GPR141: variants seen among roughly 807,000 people sequenced by gnomAD.
The protein encoded by GPR141 is probable G protein-coupled receptor 141.
In GPR141, 6 loss-of-function variants were observed where a neutral mutation model predicts 6.8. That is an observed-to-expected ratio of 0.88 (90% CI 0.48 to 1.74). GPR141 has a LOEUF of 1.74. Among genes scored for constraint, GPR141 ranks in the 40% most tolerant of loss-of-function variants. The probability of loss-of-function intolerance (pLI) is 0.01; values close to 1 mark genes in which losing one functional copy is unlikely to be tolerated. For synonymous variants in GPR141, 140 were observed against 142.3 expected (o/e 0.98, Z 0.11); for missense variants, 372 against 372.9 (o/e 1.00, Z 0.02).
At chr7:37,731,569 G>A (rs1191736964) in intron 2 of GPR141, among the ~76,000 whole-genome samples, 1 of 151,712 alleles carries the variant, frequency 6.6e-6, no homozygotes, top group Admixed American at 6.6e-5. Context: ...TCAGCCTCCC[G>A]AGTAGCTGGG....
intron 2 of GPR141, among the ~76,000 whole-genome samples, chr7:37,735,320 C>T (rs1393587807): frequency 1.3e-5 from 2 of 152,174 alleles, no homozygotes; most frequent in African/African-American, 4.8e-5. Flanking sequence ...TTCACCAATG[C>T]ATGAAGACAT....
intron 2 of GPR141, among the ~76,000 whole-genome samples, chr7:37,720,165 C>T (rs920734316): frequency 6.6e-6 from 1 of 152,078 alleles, no homozygotes; most frequent in Non-Finnish European, 1.5e-5. Flanking sequence ...GGAGGTGAAC[C>T]AGGAGTTGGG....
chr7:37,739,928 C>T (rs1812442394), intron 2 of GPR141, among the ~76,000 whole-genome samples: 2 of 152,008 alleles, frequency 1.3e-5, no homozygotes, highest in Non-Finnish European at 2.9e-5. Flanking sequence ...ATTCTTGGGT[C>T]ATTTGCTAAT....
At position 37,743,173 on chromosome 7, in the gene GPR141, C is replaced by CT. The variant is rs200285405; in HGVS notation, c.*1871dup. Among the ~76,000 whole-genome samples, 4,128 of 151,282 alleles carry CT rather than the reference C, an allele frequency of 0.027. 82 individuals are homozygous for CT. Among genetic ancestry groups the CT allele is most frequent in the Middle Eastern group, 0.058 (17 of 292 alleles). ...AGAATAACAGAATGAATTAAGGGAA[C>CT]TTTTTTTTTCATCAAGGTATATCTT... On this transcript the variant is annotated 3_prime_UTR_variant, in exon 3 of 3. Coordinates refer to ENST00000334425, the MANE Select transcript of GPR141 (RefSeq NM_001381946.1).
intron 2 of GPR141, among the ~76,000 whole-genome samples, chr7:37,730,594 A>T (rs985761607): frequency 5.9e-5 from 9 of 152,232 alleles, no homozygotes; most frequent in African/African-American, 2.2e-4. Flanking sequence ...CGTCAAAGCC[A>T]TCAGTTGCAC....
At chr7:37,714,893 C>G (rs1288738496) in intron 2 of GPR141, among the ~76,000 whole-genome samples, 1 of 152,124 alleles carries the variant, frequency 6.6e-6, no homozygotes, top group Non-Finnish European at 1.5e-5. Flanking sequence ...TCAAAAAACC[C>G]TATGAGTCCT....
intron 2 of GPR141, among the ~76,000 whole-genome samples, chr7:37,734,121 C>T (rs1812120125): frequency 6.6e-6 from 1 of 152,056 alleles, no homozygotes; most frequent in Non-Finnish European, 1.5e-5. Flanking sequence ...TGCAGTGAAC[C>T]ATGATGATGC....
chr7:37,732,127 C>T (rs180967530), intron 2 of GPR141, among the ~76,000 whole-genome samples: 3 of 143,648 alleles, frequency 2.1e-5, no homozygotes, highest in African/African-American at 7.7e-5. Context: ...CTAACTTCTC[C>T]TTTTCTTTCT....
chr7:37,720,080 G>A (rs1191016839), intron 2 of GPR141, among the ~76,000 whole-genome samples: 1 of 152,214 alleles, frequency 6.6e-6, no homozygotes, highest in East Asian at 1.9e-4. Context: ...CCAGGGCAAC[G>A]ACATGAAAGA....
At chr7:37,712,235 A>G (rs977628142) in intron 2 of GPR141, among the ~76,000 whole-genome samples, 1 of 152,186 alleles carries the variant, frequency 6.6e-6, no homozygotes, top group Non-Finnish European at 1.5e-5. Context: ...TTTGGTACAC[A>G]GCAAGAGAGA....
chr7:37,691,443 G>A (rs2131731604), intron 2 of GPR141, among the ~76,000 whole-genome samples: 2 of 151,604 alleles, frequency 1.3e-5, no homozygotes, highest in Middle Eastern at 6.8e-3. Context: ...TTACATTCAA[G>A]GTTATTATTT....
Position 37,741,380 on chromosome 7 carries a change from A to T in GPR141, c.*69A>T. ...TAAAAATGGGTATAGGGGAGGTAAG[A>T]ATGGTATTTCATTACTTGATCAAAA... On this transcript the variant is annotated 3_prime_UTR_variant, in exon 3 of 3. Transcript: ENST00000334425. 2 of 1,166,970 alleles carry T rather than the reference A, an allele frequency of 1.7e-6. No homozygotes were observed. The highest frequency in any genetic ancestry group is 2.4e-6 in the Non-Finnish European group (2 of 822,008). The allele number at this position is 1,166,970 out of a possible 1,614,324, so 72.3% of individuals were successfully genotyped here. A position where few individuals can be genotyped will look rare whatever the true frequency, so the allele number is the denominator to read the frequency against.
chr7:37,709,228 A>C (rs1032675135), intron 2 of GPR141, among the ~76,000 whole-genome samples: 4 of 152,238 alleles, frequency 2.6e-5, no homozygotes, highest in Non-Finnish European at 5.9e-5. Context: ...CAATGCTTAA[A>C]TATTTGGTAC....
At chr7:37,722,166 C>T (rs545634223) in intron 2 of GPR141, among the ~76,000 whole-genome samples, 5 of 152,092 alleles carry the variant, frequency 3.3e-5, no homozygotes, top group African/African-American at 4.8e-5. Flanking sequence ...ATATGTAAAA[C>T]ACTAAATTCA....
At chr7:37,734,033 C>T (rs1325988577) in intron 2 of GPR141, among the ~76,000 whole-genome samples, 4 of 151,756 alleles carry the variant, frequency 2.6e-5, no homozygotes, top group East Asian at 1.9e-4. Context: ...TTAGGCCAGG[C>T]GTGGTGGTGC....
At chr7:37,710,335 T>A (rs1033341706) in intron 2 of GPR141, among the ~76,000 whole-genome samples, 1 of 152,132 alleles carries the variant, frequency 6.6e-6, no homozygotes, top group Non-Finnish European at 1.5e-5. Flanking sequence ...TGCAACTACA[T>A]AGACTCCATG....
rs767448189 is a variant in GPR141, at chr7:37,740,447, C to T, written c.54C>T (p.Pro18=). 1 of 1,613,632 alleles carries T rather than the reference C, an allele frequency of 6.2e-7. No homozygotes were observed. Among genetic ancestry groups the T allele is most frequent in the Non-Finnish European group, 8.5e-7 (1 of 1,179,684 alleles). The part of the protein sequence containing the change: ...RNSSCDPIVT[P]HLISLYFIVL... ...CCTCTTGCGATCCTATAGTGACACC[C>T]CACTTAATCAGCCTCTACTTCATAG... is the stretch of plus-strand genomic sequence containing the variant. Residue 18 remains proline, a synonymous_variant, in exon 3 of 3, where the codon CCC becomes CCT. Coordinates refer to ENST00000334425, the MANE Select transcript of GPR141 (RefSeq NM_001381946.1).
chr7:37,699,007 G>A (rs1810152787), intron 2 of GPR141, among the ~76,000 whole-genome samples: 1 of 152,200 alleles, frequency 6.6e-6, no homozygotes, highest in Non-Finnish European at 1.5e-5. Context: ...GAAACTCCCA[G>A]TCTGGTGTGC....
chr7:37,724,310 A>G (rs1246195073), intron 2 of GPR141, among the ~76,000 whole-genome samples: 2 of 151,844 alleles, frequency 1.3e-5, no homozygotes, highest in Non-Finnish European at 1.5e-5. Flanking sequence ...TTTTTTTGCT[A>G]TTAAAAAAAC....
Sources: gnomAD v4.1 joint callset for allele counts (sites outside exome capture counted in the v4.1 genomes callset) on GRCh38, gnomAD v4.1.1 for gene constraint, MANE v1.5 for transcripts, NCBI Gene and HGNC (gene_info 2026-07-23, HGNC 2026-07-21) for gene names.